The following SDK1 variants were observed in gnomAD, a reference collection of about 807,000 sequenced individuals.
SDK1 encodes sidekick cell adhesion molecule 1, also known as protein sidekick-1.
In SDK1, 157 loss-of-function variants were observed where a neutral mutation model predicts 245.5. The observed-to-expected ratio is 0.64, with a 90% CI of 0.56 to 0.73. The LOEUF (loss-of-function observed/expected upper bound fraction) is 0.73. Among genes scored for constraint, SDK1 ranks in the 30% least tolerant of loss-of-function variants. The pLI is 0.00. For synonymous variants in SDK1, 1,647 were observed against 1,278.5 expected (o/e 1.29, Z -6.15); for missense variants, 3,583 against 3,002.3 (o/e 1.19, Z -4.52).
intron 19 of SDK1, among the ~76,000 whole-genome samples, chr7:4,065,525 A>G (rs916593420): frequency 1.1e-4 from 17 of 152,256 alleles, no homozygotes; most frequent in African/African-American, 4.1e-4. Context: ...AGTCAGTGCA[A>G]AAATCTGTCA....
chr7:3,502,817 A>G (rs1782261704), intron 1 of SDK1, among the ~76,000 whole-genome samples: 2 of 152,240 alleles, frequency 1.3e-5, no homozygotes, highest in Admixed American at 6.5e-5. Context: ...TTTAGAAATC[A>G]GCTTCAGCTT....
At chr7:3,930,677 C>A (rs1185765139) in intron 5 of SDK1, among the ~76,000 whole-genome samples, 1 of 152,122 alleles carries the variant, frequency 6.6e-6, no homozygotes, top group Non-Finnish European at 1.5e-5. Context: ...CCTGTAATCC[C>A]AGCTACTTGG....
chr7:3,346,972 TGA>T lies in SDK1; in HGVS notation c.298+45093_298+45094del, dbSNP rs1223535001. Among the ~76,000 whole-genome samples, 10 of 150,482 alleles carry T rather than the reference TGA, an allele frequency of 6.6e-5. No homozygotes were observed. In the Admixed American group the frequency reaches 6.7e-4, roughly 10 times the overall value. ...AGGCATGAGCTACTGCACCCAGCCCTGAGAGAATTATTTATTCTCCTCCTTCT... is the reference window on the plus strand; with the variant it reads ...AGGCATGAGCTACTGCACCCAGCCCTGAGAATTATTTATTCTCCTCCTTCT... On this transcript the variant is annotated intron_variant, in intron 1 of 44. Transcript: ENST00000404826.
At chr7:3,427,797 C>T (rs574318833) in intron 1 of SDK1, among the ~76,000 whole-genome samples, 61 of 152,122 alleles carry the variant, frequency 4.0e-4, no homozygotes, top group Admixed American at 1.5e-3. Flanking sequence ...TGTGAAGCTG[C>T]CTTCACCAAG....
At chr7:3,445,586 T>C (rs1780318089) in intron 1 of SDK1, among the ~76,000 whole-genome samples, 3 of 152,322 alleles carry the variant, frequency 2.0e-5, no homozygotes, top group Admixed American at 1.3e-4. Context: ...TTGCTCCTAA[T>C]GGATATTGCT....
intron 3 of SDK1, 59 bp downstream of exon 3, chr7:3,639,169 A>T (rs938318107): frequency 2.2e-6 from 2 of 903,554 alleles, no homozygotes; most frequent in Non-Finnish European, 1.7e-6. Flanking sequence ...CTGGGGAGTC[A>T]ATCAGAATCA....
At chr7:3,633,854 G>T (rs13238260) in intron 2 of SDK1, among the ~76,000 whole-genome samples, 32 of 152,182 alleles carry the variant, frequency 2.1e-4, no homozygotes, top group Admixed American at 9.8e-4. Flanking sequence ...GTGAGCCACA[G>T]TCACTCTGGA....
intron 4 of SDK1, among the ~76,000 whole-genome samples, chr7:3,645,701 G>T (rs927786000): frequency 1.3e-5 from 2 of 152,004 alleles, no homozygotes; most frequent in African/African-American, 4.8e-5. Flanking sequence ...AGATGGGAGG[G>T]TATCTCTGCA....
intron 4 of SDK1, among the ~76,000 whole-genome samples, chr7:3,686,276 ATGT>A (rs1784278522): frequency 6.6e-6 from 1 of 152,166 alleles, no homozygotes; most frequent in African/African-American, 2.4e-5. Flanking sequence ...GGGTTTCACC[ATGT>A]TGGTCAGGCT....
chr7:3,385,227 T>C (rs1781581114), intron 1 of SDK1, among the ~76,000 whole-genome samples: 1 of 152,284 alleles, frequency 6.6e-6, no homozygotes, highest in Non-Finnish European at 1.5e-5. Context: ...GATAATACCT[T>C]GTAAGACTGT....
At chr7:3,415,078 A>T (rs1022691072) in intron 1 of SDK1, among the ~76,000 whole-genome samples, 1 of 152,156 alleles carries the variant, frequency 6.6e-6, no homozygotes, top group Non-Finnish European at 1.5e-5. Context: ...TCTTTTGGTT[A>T]TACACATAGG....
intron 22 of SDK1, among the ~76,000 whole-genome samples, chr7:4,099,045 A>G (rs561995775): frequency 6.6e-6 from 1 of 151,818 alleles, no homozygotes. Flanking sequence ...CCAGGGGAGT[A>G]TGTGAAAGCA....
At chr7:3,945,286 G>C (rs1233100551) in intron 5 of SDK1, among the ~76,000 whole-genome samples, 2 of 152,324 alleles carry the variant, frequency 1.3e-5, no homozygotes, top group East Asian at 1.9e-4. Context: ...ATAATAGTGA[G>C]TGTTTCACTT....
At chr7:4,070,599 T>A (rs1424643272) in intron 20 of SDK1, among the ~76,000 whole-genome samples, 1 of 152,092 alleles carries the variant, frequency 6.6e-6, no homozygotes, top group Non-Finnish European at 1.5e-5. Context: ...ACCCCACCAC[T>A]ACTCATCAGT....
chr7:3,385,880 G>A, intron 1 of SDK1, among the ~76,000 whole-genome samples: 1 of 152,032 alleles, frequency 6.6e-6, no homozygotes, highest in Non-Finnish European at 1.5e-5. Flanking sequence ...GCACTTTAAT[G>A]ACTCTGTCAG....
chr7:3,994,734 G>T (rs1784576738), intron 14 of SDK1, among the ~76,000 whole-genome samples: 1 of 151,818 alleles, frequency 6.6e-6, no homozygotes, highest in African/African-American at 2.4e-5. Context: ...ATTTTATAGG[G>T]TTTACCTCAT....
At chr7:3,616,277 C>G (rs948404339) in intron 1 of SDK1, among the ~76,000 whole-genome samples, 2 of 152,148 alleles carry the variant, frequency 1.3e-5, no homozygotes, top group African/African-American at 4.8e-5. Flanking sequence ...TGATCACACA[C>G]GTTGTTAATA....
intron 19 of SDK1, among the ~76,000 whole-genome samples, chr7:4,061,124 G>T: frequency 6.6e-6 from 1 of 152,096 alleles, no homozygotes; most frequent in Non-Finnish European, 1.5e-5. Flanking sequence ...TGGCAATGTG[G>T]GCTCTTTTTT....
intron 1 of SDK1, among the ~76,000 whole-genome samples, chr7:3,591,030 C>T (rs1276676346): frequency 2.0e-5 from 3 of 152,032 alleles, no homozygotes; most frequent in Non-Finnish European, 2.9e-5. Flanking sequence ...CCAGGAGATC[C>T]TAATGTGCAA....
Sources: allele counts gnomAD v4.1 joint callset (sites outside exome capture counted in the v4.1 genomes callset), GRCh38; gene constraint gnomAD v4.1.1; transcripts MANE v1.5; gene names NCBI Gene and HGNC (gene_info 2026-07-23, HGNC 2026-07-21).